ARR3: variants seen among roughly 807,000 people sequenced by gnomAD.
ARR3 encodes the protein arrestin 3, also known as arrestin-C.
Under a neutral mutation model 35.4 loss-of-function variants are expected in ARR3, and 14 were observed. That is an observed-to-expected ratio of 0.40 (90% CI 0.26 to 0.62). ARR3 has a LOEUF of 0.62. Ranked by LOEUF, ARR3 falls within the 20% of genes least tolerant of loss-of-function variation. The pLI is 0.46. For synonymous variants in ARR3, 97 were observed against 119.1 expected (o/e 0.81, Z 1.21); for missense variants, 259 against 303.8 (o/e 0.85, Z 1.10).
intron 5 of ARR3, among the ~76,000 whole-genome samples, chrX:70,271,798 G>C (rs1205679303): frequency 9.0e-6 from 1 of 111,620 alleles, no homozygotes; most frequent in African/African-American, 3.3e-5. Flanking sequence ...CTGATGTTCA[G>C]ACAATTAACA....
intron 12 of ARR3, among the ~76,000 whole-genome samples, chrX:70,279,796 T>C (rs1219782856): frequency 8.9e-6 from 1 of 112,001 alleles, no homozygotes; most frequent in African/African-American, 3.3e-5. Flanking sequence ...CACTGTAGAC[T>C]AGGGACACAG....
intron 15 of ARR3, 30 bp from the exon 16 acceptor site, chrX:70,281,069 T>G: frequency 8.3e-7 from 1 of 1,209,143 alleles, no homozygotes; most frequent in Non-Finnish European, 1.1e-6. Flanking sequence ...TCAGCTCCAT[T>G]TTTTCCCTCC....
At position 70,280,546 on chromosome X, in the gene ARR3, A is replaced by G; in HGVS notation, c.990-13A>G. The G allele has an allele frequency of 8.4e-7, 1 of 1,194,645 alleles. No homozygotes were observed. Among genetic ancestry groups the G allele is most frequent in the Non-Finnish European group, 1.1e-6 (1 of 887,777 alleles). ...TTTCCCGCTGCTAATTTTGGGTGTC[A>G]TTCTACCCACAGCATCCTAGGAGAC... On this transcript the variant is annotated splice_polypyrimidine_tract_variant and intron_variant, in intron 13 of 16. Coordinates refer to ENST00000307959, the MANE Select transcript of ARR3 (RefSeq NM_004312.3).
chrX:70,273,871 G>A (rs1052895638), intron 5 of ARR3, among the ~76,000 whole-genome samples: 4 of 110,853 alleles, frequency 3.6e-5, no homozygotes, highest in Non-Finnish European at 7.6e-5. Flanking sequence ...ATTTATCAAG[G>A]CATACAGAAT....
chrX:70,272,031 A>G (rs995854306), intron 5 of ARR3, among the ~76,000 whole-genome samples: 1 of 109,458 alleles, frequency 9.1e-6, no homozygotes, highest in African/African-American at 3.3e-5. Context: ...GATTCCAAGA[A>G]CAAGTCATCT....
chrX:70,273,214 C>CTTTTTTTTTTTTT (rs59650423), intron 5 of ARR3, among the ~76,000 whole-genome samples: 1 of 41,626 alleles, frequency 2.4e-5, no homozygotes, highest in Non-Finnish European at 4.0e-5. Context: ...GAAAGGATTC[C>CTTTTTTTTTTTTT]TTTTTTTTTT....
In ARR3 at chrX:70,280,231, C is replaced by G; in HGVS notation, c.942C>G (p.Ile314Met). The change falls in exon 13 of 17, where the codon ATC becomes ATG. Residue 314 changes from isoleucine (I) to methionine (M), a missense_variant. Physicochemically the swap from Ile to Met is conservative, Grantham distance 10. Transcript: ENST00000307959. ...GAATGGACAAAGAGCTGCTGGGGAT[C>G]CTGGTGTCCTACAAAGTCAGAGTCA... Reference protein sequence around the residue: ...RPGMDKELLGILVSYKVRVNL... With the variant: ...RPGMDKELLGMLVSYKVRVNL... 8.3e-6 allele frequency: 10 copies of G among 1,211,420 alleles called. No homozygotes were observed. Among genetic ancestry groups the G allele is most frequent in the Non-Finnish European group, 1.1e-5 (10 of 895,324 alleles).
intron 6 of ARR3, 30 bp downstream of exon 6, chrX:70,276,311 G>T (rs768067525): frequency 2.5e-6 from 3 of 1,200,942 alleles, no homozygotes; most frequent in Non-Finnish European, 3.4e-6. Flanking sequence ...GGCAGGCAAG[G>T]TCTCCAGGGA....
At chrX:70,271,229 CT>C (rs2085629030) in intron 5 of ARR3, among the ~76,000 whole-genome samples, 1 of 112,274 alleles carries the variant, frequency 8.9e-6, no homozygotes, top group Admixed American at 9.4e-5. Flanking sequence ...GGAAAGAAAT[CT>C]TTAGTTAAAA....
At position 70,276,243 on chromosome X, in the gene ARR3, C is replaced by T. The variant is rs1179253092; in HGVS notation, c.307C>T (p.His103Tyr). The stretch of plus-strand genomic sequence containing the variant: ...CACAGTCCTACAGGAGCGACTACTG[C>T]ACAAGCTAGGGGACAATGCCTACCC... ...PLTVLQERLL[H>Y]KLGDNAYPFT... Residue 103 changes from histidine to tyrosine, a missense_variant, in exon 6 of 17, where the codon CAC becomes TAC. His to Tyr is a moderately conservative substitution (Grantham distance 83). Transcript: ENST00000307959. 2 of 1,211,887 alleles carry T rather than the reference C, an allele frequency of 1.7e-6. No individual in the cohort carries two copies. Among genetic ancestry groups the T allele is most frequent in the Non-Finnish European group, 2.2e-6 (2 of 895,528 alleles).
In ARR3 at chrX:70,278,156, C is replaced by T. The variant is rs745546417; in HGVS notation, c.767+18C>T. 5 of 1,196,727 alleles carry T rather than the reference C, an allele frequency of 4.2e-6. No individual in the cohort carries two copies. The South Asian group carries it at 5.4e-5, about 13-fold the overall frequency. ...GAATTCACGTGAGCTGGTGCTGGGG[C>T]TAGGACCAGAGAGCCAAGGGGTGGG... is the stretch of plus-strand genomic sequence containing the variant. On this transcript the variant is annotated intron_variant, in intron 11 of 16. Transcript: ENST00000307959.
rs764608719 is a variant in ARR3, at chrX:70,276,537, A to G, written c.405+45A>G. On this transcript the variant is annotated intron_variant, in intron 7 of 16. Coordinates refer to ENST00000307959, the MANE Select transcript of ARR3 (RefSeq NM_004312.3). Reference sequence around the variant, plus strand: ...AAAGAGGGATAGGTAGTGCCAGGGAAGAGGAACAGTGGGACAGTCAAGACT... The same window carrying G: ...AAAGAGGGATAGGTAGTGCCAGGGAGGAGGAACAGTGGGACAGTCAAGACT... 3 of 1,189,545 alleles carry G rather than the reference A, an allele frequency of 2.5e-6. No homozygotes were observed. In the South Asian group the frequency reaches 5.3e-5, roughly 21 times the overall value.
rs370184846 is a variant in ARR3 at position 70,269,611 on chromosome X, C to T, written c.9-51C>T. The T allele has an allele frequency of 1.5e-4, 177 of 1,172,603 alleles. 1 individual carries two copies. Among genetic ancestry groups the T allele is most frequent in the Middle Eastern group, 2.3e-4 (1 of 4,290 alleles). ...TCCCCAATTCCCTTATTTCCTCTTC[C>T]CTGCACTTCCAATCCCCCTCTCCAT... On this transcript the variant is annotated intron_variant, in intron 2 of 16. Coordinates refer to ENST00000307959, the MANE Select transcript of ARR3 (RefSeq NM_004312.3).
chrX:70,268,339 T>A lies in ARR3; in HGVS notation c.-64T>A, dbSNP rs1191866799. 9.0e-6 allele frequency: 1 copy of A among 110,842 alleles called. No individual in the cohort carries two copies. The highest frequency in any genetic ancestry group is 1.9e-5 in the Non-Finnish European group (1 of 52,908). The allele number at this position is 110,842 out of a possible 1,213,427, so 9.1% of individuals were successfully genotyped here. On this transcript the variant is annotated 5_prime_UTR_variant, in exon 1 of 17. Transcript: ENST00000307959. Reference sequence around the variant, plus strand: ...GGGAGGCAGGCATAGCAACCAGAGCTGGAGACTGATGTGAACTTCATCTCT... The same window carrying A: ...GGGAGGCAGGCATAGCAACCAGAGCAGGAGACTGATGTGAACTTCATCTCT...
chrX:70,272,285 G>A (rs936838332), intron 5 of ARR3, among the ~76,000 whole-genome samples: 1 of 110,639 alleles, frequency 9.0e-6, no homozygotes, highest in East Asian at 2.8e-4. Flanking sequence ...GAATCTATTT[G>A]CTGTATCTTT....
At chrX:70,277,554 C>T (rs1198431829) in intron 9 of ARR3, 25 bp downstream of exon 9, 2 of 1,202,740 alleles carry the variant, frequency 1.7e-6, no homozygotes, top group Admixed American at 2.2e-5. Context: ...CTTTTTGCCT[C>T]CCACCCCAGA....
In ARR3 at chrX:70,269,714, G is replaced by T. The variant is rs767593405; in HGVS notation, c.39+22G>T. 10 of 1,202,299 alleles carry T rather than the reference G, an allele frequency of 8.3e-6. No individual in the cohort carries two copies. The Admixed American group carries it at 2.2e-4, about 27-fold the overall frequency. On this transcript the variant is annotated intron_variant, in intron 3 of 16. Coordinates refer to ENST00000307959, the MANE Select transcript of ARR3 (RefSeq NM_004312.3). Reference sequence around the variant, plus strand: ...GAAGGTGAGAGAACCTGGCCCAGCTGGGCAAATGAGAGGGCAAAAGGGATA... The same window carrying T: ...GAAGGTGAGAGAACCTGGCCCAGCTTGGCAAATGAGAGGGCAAAAGGGATA...
chrX:70,280,292 C>A lies in ARR3; in HGVS notation c.989+14C>A. 8.4e-7 allele frequency: 1 copy of A among 1,192,925 alleles called. No homozygotes were observed. The highest frequency in any genetic ancestry group is 1.1e-6 in the Non-Finnish European group (1 of 879,467). ...GTCCTGTGGTGGGTAAGTGAGGGTTCTGGGTCTGTCTGGGCAGGGGCTGAA... is the reference window on the plus strand; with the variant it reads ...GTCCTGTGGTGGGTAAGTGAGGGTTATGGGTCTGTCTGGGCAGGGGCTGAA... On this transcript the variant is annotated intron_variant, in intron 13 of 16. Coordinates refer to ENST00000307959, the MANE Select transcript of ARR3 (RefSeq NM_004312.3).
At chrX:70,281,638 G>C (rs1486630618) in intron 16 of ARR3, 38 bp from the exon 17 acceptor site, 2 of 1,100,778 alleles carry the variant, frequency 1.8e-6, no homozygotes, top group Non-Finnish European at 2.5e-6. Context: ...CCAGAAAGGG[G>C]TTCCTAACCT....
Sources: gnomAD v4.1 joint callset for allele counts (sites outside exome capture counted in the v4.1 genomes callset) on GRCh38, gnomAD v4.1.1 for gene constraint, MANE v1.5 for transcripts, NCBI Gene and HGNC (gene_info 2026-07-23, HGNC 2026-07-21) for gene names.